DAP: variants seen among roughly 807,000 people sequenced by gnomAD.
DAP encodes death-associated protein 1.
DAP carries 8 observed loss-of-function variants against 13.8 expected under a neutral mutation model. The ratio of observed to expected loss-of-function variants is 0.58; its 90% CI spans 0.34 to 1.05. DAP has a LOEUF of 1.05. Ranked by LOEUF, DAP falls within the 50% of genes least tolerant of loss-of-function variation. The pLI is 0.03. For synonymous variants in DAP, 47 were observed against 47.5 expected (o/e 0.99, Z 0.04); for missense variants, 106 against 133.2 (o/e 0.80, Z 1.01).
intron 1 of DAP, among the ~76,000 whole-genome samples, chr5:10,748,597 C>A (rs900292239): frequency 2.6e-5 from 4 of 152,194 alleles, no homozygotes; most frequent in Middle Eastern, 3.2e-3. Context: ...GCTTTCAGTT[C>A]TCCACAGTCT....
intron 2 of DAP, among the ~76,000 whole-genome samples, chr5:10,711,503 G>A (rs1738852058): frequency 6.6e-6 from 1 of 152,322 alleles, no homozygotes. Flanking sequence ...GAGGACACAC[G>A]TGCACCTACC....
chr5:10,691,543 C>T (rs1328354396), intron 2 of DAP, among the ~76,000 whole-genome samples: 1 of 152,166 alleles, frequency 6.6e-6, no homozygotes, highest in African/African-American at 2.4e-5. Flanking sequence ...CAAAGTATAA[C>T]CTACATTTCT....
chr5:10,755,742 T>G (rs1740166668), intron 1 of DAP, among the ~76,000 whole-genome samples: 1 of 152,162 alleles, frequency 6.6e-6, no homozygotes, highest in African/African-American at 2.4e-5. Flanking sequence ...CAAAAAAAAC[T>G]TCTGAAGCTG....
intron 2 of DAP, chr5:10,733,820 A>G (rs1049950513): frequency 9.2e-5 from 14 of 152,258 alleles, no homozygotes; most frequent in Non-Finnish European, 1.9e-4. Flanking sequence ...TCAAAGTCCA[A>G]GATAATTATT....
intron 2 of DAP, among the ~76,000 whole-genome samples, chr5:10,686,269 T>C (rs1053383592): frequency 6.6e-6 from 1 of 152,240 alleles, no homozygotes; most frequent in African/African-American, 2.4e-5. Flanking sequence ...AATATTGAAA[T>C]TAGGGCAATT....
chr5:10,743,060 C>A (rs888124203), intron 2 of DAP, among the ~76,000 whole-genome samples: 1 of 150,840 alleles, frequency 6.6e-6, no homozygotes, highest in African/African-American at 2.5e-5. Context: ...CTTTCTCTGA[C>A]AGTGAGGAAC....
intron 2 of DAP, among the ~76,000 whole-genome samples, chr5:10,705,177 T>C (rs1187529992): frequency 2.0e-5 from 3 of 152,178 alleles, no homozygotes; most frequent in Non-Finnish European, 4.4e-5. Flanking sequence ...TGCGTTTGAA[T>C]CAGGAAGCCT....
intron 2 of DAP, among the ~76,000 whole-genome samples, chr5:10,721,387 T>C (rs558789200): frequency 6.6e-6 from 1 of 152,326 alleles, no homozygotes; most frequent in South Asian, 2.1e-4. Context: ...AATGATTCCA[T>C]TAAACTTGAA....
At chr5:10,718,509 C>A (rs1376703077) in intron 2 of DAP, among the ~76,000 whole-genome samples, 4 of 152,240 alleles carry the variant, frequency 2.6e-5, no homozygotes, top group East Asian at 1.9e-4. Flanking sequence ...CCTGGAGGGA[C>A]TGCGGAGTCA....
At chr5:10,693,307 A>G (rs547409167) in intron 2 of DAP, among the ~76,000 whole-genome samples, 2 of 152,254 alleles carry the variant, frequency 1.3e-5, no homozygotes, top group Non-Finnish European at 2.9e-5. Flanking sequence ...TACTCAAGTT[A>G]TCCTCTGCAA....
chr5:10,686,044 G>T (rs1738147900), intron 2 of DAP, among the ~76,000 whole-genome samples: 2 of 152,188 alleles, frequency 1.3e-5, no homozygotes, highest in Admixed American at 1.3e-4. Flanking sequence ...AAGTCTATGG[G>T]TGTCCATCTT....
chr5:10,689,233 G>A (rs1477372994), intron 2 of DAP, among the ~76,000 whole-genome samples: 4 of 152,106 alleles, frequency 2.6e-5, no homozygotes, highest in Non-Finnish European at 5.9e-5. Flanking sequence ...GACTCCCAGG[G>A]CACGCTCTTT....
At chr5:10,743,023 G>A (rs267952) in intron 2 of DAP, among the ~76,000 whole-genome samples, 141,577 of 152,224 alleles carry the variant, frequency 0.93, 66,136 homozygotes, top group Non-Finnish European at 0.97. Flanking sequence ...GTTCATTTCA[G>A]TCTTCTCCCT....
At chr5:10,693,248 C>T (rs1435092651) in intron 2 of DAP, among the ~76,000 whole-genome samples, 2 of 152,098 alleles carry the variant, frequency 1.3e-5, no homozygotes, top group South Asian at 2.1e-4. Context: ...GAGAGTTGTA[C>T]GTAACAGAAT....
intron 2 of DAP, among the ~76,000 whole-genome samples, chr5:10,737,307 C>G (rs1272793549): frequency 6.7e-6 from 1 of 149,340 alleles, no homozygotes; most frequent in Non-Finnish European, 1.5e-5. Flanking sequence ...GATCACGCCA[C>G]TGCACTCCAG....
In DAP at chr5:10,712,223, C is replaced by T. The variant is rs143647605; in HGVS notation, c.153-28652G>A. On this transcript the variant is annotated intron_variant, in intron 2 of 3. Transcript: ENST00000230895. ...CCAATGAGAAAGGCCTCAGAAGGAA[C>T]CAACCCTGCTGACACCTTGGTCTTT... Among the ~76,000 whole-genome samples the T allele has an allele frequency of 3.5e-3, 526 of 152,180 alleles. 2 individuals are homozygous for T. Among genetic ancestry groups the T allele is most frequent in the African/African-American group, 0.012 (512 of 41,532 alleles).
At chr5:10,682,791 C>T (rs1363268123) in intron 3 of DAP, among the ~76,000 whole-genome samples, 3 of 152,250 alleles carry the variant, frequency 2.0e-5, no homozygotes, top group African/African-American at 7.2e-5. Context: ...ATGCGACTCC[C>T]ACAGAACTGA....
chr5:10,739,521 G>C (rs1477926267), intron 2 of DAP, among the ~76,000 whole-genome samples: 1 of 152,058 alleles, frequency 6.6e-6, no homozygotes, highest in African/African-American at 2.4e-5. Context: ...CCTCACCCAG[G>C]ACCAAGAAGA....
chr5:10,759,558 C>G (rs760320358), intron 1 of DAP, among the ~76,000 whole-genome samples: 4 of 152,138 alleles, frequency 2.6e-5, no homozygotes, highest in Non-Finnish European at 4.4e-5. Context: ...CTTAAGTTCT[C>G]TGGCATCAGT....
Sources: gnomAD v4.1 joint callset for allele counts (sites outside exome capture counted in the v4.1 genomes callset) on GRCh38, gnomAD v4.1.1 for gene constraint, MANE v1.5 for transcripts, NCBI Gene and HGNC (gene_info 2026-07-23, HGNC 2026-07-21) for gene names.